The following PALM variants were observed in gnomAD, a reference collection of about 807,000 sequenced individuals.
The protein encoded by PALM is paralemmin-1.
A neutral mutation model predicts 30.7 loss-of-function variants in PALM; 18 were observed. That is an observed-to-expected ratio of 0.59 (90% CI 0.41 to 0.87). The LOEUF is 0.87. PALM is among the 40% of genes least tolerant of loss of function. PALM has a pLI of 0.00. For synonymous variants in PALM, 286 were observed against 242.8 expected (o/e 1.18, Z -1.66); for missense variants, 529 against 555.4 (o/e 0.95, Z 0.48).
intron 8 of PALM, among the ~76,000 whole-genome samples, chr19:744,616 A>C (rs1316143977): frequency 2.6e-5 from 4 of 151,890 alleles, no homozygotes; most frequent in Admixed American, 2.6e-4. Flanking sequence ...TGTAATGGCC[A>C]GGCATGGTGG....
intron 4 of PALM, among the ~76,000 whole-genome samples, chr19:730,511 C>CG (rs1406053745): frequency 6.6e-6 from 1 of 152,068 alleles, no homozygotes; most frequent in East Asian, 1.9e-4. Flanking sequence ...CAAATTTGAG[C>CG]GGGAAAGGAG....
intron 2 of PALM, 49 bp from the exon 3 acceptor site, chr19:726,958 TC>T: frequency 3.8e-6 from 4 of 1,044,080 alleles, no homozygotes; most frequent in Admixed American, 2.2e-5. Context: ...GGTGGGGGGG[TC>T]TCCGGGACCC....
At chr19:714,369 T>C (rs963783375) in intron 1 of PALM, among the ~76,000 whole-genome samples, 12 of 144,960 alleles carry the variant, frequency 8.3e-5, no homozygotes, top group African/African-American at 3.1e-4. Flanking sequence ...TTTTTTTTTT[T>C]TTTTTTTCAG....
intron 4 of PALM, among the ~76,000 whole-genome samples, chr19:729,756 C>T (rs148276867): frequency 0.015 from 2,331 of 152,218 alleles, 26 homozygotes; most frequent in Middle Eastern, 0.041. Flanking sequence ...GCCACTGCGC[C>T]TGGCCCCACT....
chr19:727,576 C>A lies in PALM; in HGVS notation c.151C>A (p.Arg51=), dbSNP rs1418739332. The change falls in exon 4 of 9, where the codon CGG becomes AGG. Residue 51 remains arginine (R), a synonymous_variant. Coordinates refer to ENST00000338448, the MANE Select transcript of PALM (RefSeq NM_002579.3). ...CCCTGCTGCTCAGTCCAAGGCACTG[C>A]GGGAGCGCTGGCTGCTGGAGGGGAC... The part of the protein sequence containing the change: ...QLQHLKSKAL[R]ERWLLEGTPS... 2 of 1,588,318 alleles carry A rather than the reference C, an allele frequency of 1.3e-6. No individual in the cohort carries two copies. Among genetic ancestry groups the A allele is most frequent in the South Asian group, 2.3e-5 (2 of 87,304 alleles).
chr19:740,446 C>G lies in PALM; in HGVS notation c.597C>G (p.Leu199=). ...CCACGCTGCTCCCTCGGCAGCCGCTCCCTCTGGGCATCAAAGTCTACGAGG... is the reference window on the plus strand; with the variant it reads ...CCACGCTGCTCCCTCGGCAGCCGCTGCCTCTGGGCATCAAAGTCTACGAGG... ...SSTTLLPRQP[L]PLGIKVYEDE... The change falls in exon 8 of 9, where the codon CTC becomes CTG. Residue 199 remains leucine, a synonymous_variant. Coordinates refer to ENST00000338448, the MANE Select transcript of PALM (RefSeq NM_002579.3). 1 of 1,552,556 alleles carries G rather than the reference C, an allele frequency of 6.4e-7. No homozygotes were observed. Among genetic ancestry groups the G allele is most frequent in the Non-Finnish European group, 8.7e-7 (1 of 1,147,590 alleles).
chr19:745,127 C>A (rs2033301802), intron 8 of PALM, among the ~76,000 whole-genome samples: 1 of 152,172 alleles, frequency 6.6e-6, no homozygotes, highest in Non-Finnish European at 1.5e-5. Flanking sequence ...TTGCAGTGAA[C>A]TGAGATCGTG....
At position 746,732 on chromosome 19, in the gene PALM, A is replaced by G. The variant is rs1278402622; in HGVS notation, c.1082A>G (p.Gln361Arg). The G allele has an allele frequency of 6.2e-7, 1 of 1,603,664 alleles. No homozygotes were observed. Among genetic ancestry groups the G allele is most frequent in the Non-Finnish European group, 8.5e-7 (1 of 1,176,574 alleles). Residue 361 changes from glutamine (Q) to arginine (R), a missense_variant, in exon 9 of 9, where the codon CAG becomes CGG. Gln to Arg is a conservative substitution (Grantham distance 43, BLOSUM62 1). Coordinates refer to ENST00000338448, the MANE Select transcript of PALM (RefSeq NM_002579.3). This position sits in a 1 kb window ranked among gnomAD's most constrained non-coding sequence, Gnocchi z 7.1. Reference protein sequence around the residue: ...PTEAASREENQAGPEATTSDP... With the variant: ...PTEAASREENRAGPEATTSDP... ...GAGGCCGCCTCCAGGGAAGAGAATC[A>G]GGCGGGGCCCGAGGCCACCACCAGC...
chr19:739,573 T>C (rs1308841786), intron 7 of PALM, among the ~76,000 whole-genome samples: 1 of 151,854 alleles, frequency 6.6e-6, no homozygotes, highest in Non-Finnish European at 1.5e-5. Flanking sequence ...CCCAGCTACT[T>C]GGGAGGCTGA....
chr19:728,335 G>A (rs532029873), intron 4 of PALM, among the ~76,000 whole-genome samples: 4 of 152,314 alleles, frequency 2.6e-5, no homozygotes, highest in African/African-American at 4.8e-5. Context: ...CGTCTGCCCT[G>A]GCCAGGGAAG....
intron 7 of PALM, among the ~76,000 whole-genome samples, chr19:737,186 G>T (rs1690069200): frequency 6.6e-6 from 1 of 152,200 alleles, no homozygotes; most frequent in Admixed American, 6.6e-5. Context: ...GTTGCCCCAG[G>T]ATGCAGCAGA....
Position 731,148 on chromosome 19 carries a change from C to T in PALM, c.323C>T (p.Ala108Val), listed in dbSNP as rs1262790593. The change falls in exon 5 of 9, where the codon GCC becomes GTC. Residue 108 changes from alanine to valine, a missense_variant. Transcript: ENST00000338448. ...LERGDSAPAT[A>V]KENAAAPSPV... Reference sequence around the variant, plus strand: ...CGTGGAGACTCCGCCCCAGCCACTGCCAAGGAGAACGCGGCGGCCCCGAGC... The same window carrying T: ...CGTGGAGACTCCGCCCCAGCCACTGTCAAGGAGAACGCGGCGGCCCCGAGC... 6.2e-7 allele frequency: 1 copy of T among 1,608,420 alleles called. No individual in the cohort carries two copies.
At position 727,701 on chromosome 19, in the gene PALM, G is replaced by A; in HGVS notation, c.269+7G>A. Reference sequence around the variant, plus strand: ...TGGAGGACTCGGTGTCCAGGTGGGGGCTGCAGCGTGGGTGCCACCGGGCTG... The same window carrying A: ...TGGAGGACTCGGTGTCCAGGTGGGGACTGCAGCGTGGGTGCCACCGGGCTG... On this transcript the variant is annotated splice_region_variant and intron_variant, in intron 4 of 8. Coordinates refer to ENST00000338448, the MANE Select transcript of PALM (RefSeq NM_002579.3). 6.5e-7 allele frequency: 1 copy of A among 1,546,486 alleles called. No individual in the cohort carries two copies. The highest frequency in any genetic ancestry group is 1.2e-5 in the South Asian group (1 of 82,720).
At chr19:740,516 C>G in intron 8 of PALM, 33 bp downstream of exon 8, 1 of 1,534,870 alleles carries the variant, frequency 6.5e-7, no homozygotes. Context: ...CCTCCCTCCA[C>G]CTGGGCCAGA....
At chr19:738,557 C>G (rs2033092207) in intron 7 of PALM, among the ~76,000 whole-genome samples, 2 of 152,040 alleles carry the variant, frequency 1.3e-5, no homozygotes, top group South Asian at 4.1e-4. Flanking sequence ...CTGAGCTGCC[C>G]CCAACGGGTG....
chr19:734,088 C>T (rs1467208584), intron 5 of PALM, 85 bp from the exon 6 acceptor site: 2 of 1,307,906 alleles, frequency 1.5e-6, no homozygotes, highest in Non-Finnish European at 2.2e-6. Flanking sequence ...TGTGCCATGC[C>T]CTCCCCAGGC....
chr19:726,390 C>T (rs1449376797), intron 2 of PALM, among the ~76,000 whole-genome samples: 1 of 152,212 alleles, frequency 6.6e-6, no homozygotes, highest in Non-Finnish European at 1.5e-5. Context: ...GGACCCCCGG[C>T]CTCGCTCTGC....
chr19:738,370 C>CA (rs1338128399), intron 7 of PALM, among the ~76,000 whole-genome samples: 1 of 151,906 alleles, frequency 6.6e-6, no homozygotes, highest in Non-Finnish European at 1.5e-5. Context: ...AGTAAAAATA[C>CA]AAAAAATTAG....
chr19:730,429 T>C (rs955966464), intron 4 of PALM, among the ~76,000 whole-genome samples: 2 of 152,198 alleles, frequency 1.3e-5, no homozygotes, highest in African/African-American at 4.8e-5. Flanking sequence ...TCCCGTTATC[T>C]CTTCTAATAC....
Sources: allele counts gnomAD v4.1 joint callset (sites outside exome capture counted in the v4.1 genomes callset), GRCh38; gene constraint gnomAD v4.1.1; non-coding constraint Gnocchi (gnomAD v3.1); transcripts MANE v1.5; gene names NCBI Gene and HGNC (gene_info 2026-07-23, HGNC 2026-07-21).